RALGAPA2: variants seen among roughly 807,000 people sequenced by gnomAD.
The protein encoded by RALGAPA2 is ral GTPase-activating protein subunit alpha-2.
Under a neutral mutation model 230.4 loss-of-function variants are expected in RALGAPA2, and 139 were observed. The observed-to-expected ratio is 0.60, with a 90% CI of 0.53 to 0.69. The LOEUF is 0.69. RALGAPA2 is among the 30% of genes least tolerant of loss of function. The probability of loss-of-function intolerance (pLI) is 0.00; values close to 1 mark genes in which losing one functional copy is unlikely to be tolerated. For missense variants in RALGAPA2, 2,163 were observed against 2,276.0 expected (o/e 0.95, Z 1.01); for synonymous variants, 847 against 837.8 (o/e 1.01, Z -0.19).
At position 20,427,288 on chromosome 20, in the gene RALGAPA2, A is replaced by G. The variant is rs767526902; in HGVS notation, c.5496-15140T>C. Among the ~76,000 whole-genome samples the G allele has an allele frequency of 9.5e-4, 145 of 152,248 alleles. 1 individual carries two copies. The highest frequency in any genetic ancestry group is 9.6e-4 in the Non-Finnish European group (65 of 68,024). ...GTTTTCTCCTGCAAATTAAACTTCA[A>G]TACTTGCATTTCAAGTATTTTTGGC... On this transcript the variant is annotated intron_variant, in intron 37 of 39. Transcript: ENST00000202677.
At chr20:20,607,861 AT>A (rs759401690) in intron 14 of RALGAPA2, among the ~76,000 whole-genome samples, 20 of 152,246 alleles carry the variant, frequency 1.3e-4, no homozygotes, top group Non-Finnish European at 2.6e-4. Flanking sequence ...GACCTGTTGA[AT>A]TATCATCATA....
intron 31 of RALGAPA2, among the ~76,000 whole-genome samples, chr20:20,515,646 A>C (rs1427658497): frequency 6.6e-6 from 1 of 152,248 alleles, no homozygotes; most frequent in Non-Finnish European, 1.5e-5. Context: ...TAGAAGCAGC[A>C]GCAGGAAATG....
chr20:20,580,015 CT>C (rs2064940665), intron 20 of RALGAPA2, among the ~76,000 whole-genome samples: 2 of 152,182 alleles, frequency 1.3e-5, no homozygotes, highest in South Asian at 2.1e-4. Flanking sequence ...GTCTTCTGTC[CT>C]TTTTATAAGC....
intron 23 of RALGAPA2, among the ~76,000 whole-genome samples, chr20:20,551,459 T>C (rs1437124922): frequency 1.3e-5 from 2 of 152,246 alleles, no homozygotes; most frequent in Admixed American, 6.5e-5. Context: ...GTGAATACTA[T>C]ACACTGAGTG....
chr20:20,638,777 G>T (rs1241243148), intron 7 of RALGAPA2, among the ~76,000 whole-genome samples: 1 of 152,180 alleles, frequency 6.6e-6, no homozygotes, highest in Non-Finnish European at 1.5e-5. Flanking sequence ...AGGTTCTCAG[G>T]ATTGTGAAGT....
At chr20:20,668,725 A>T (rs1294188742) in intron 3 of RALGAPA2, among the ~76,000 whole-genome samples, 1 of 152,238 alleles carries the variant, frequency 6.6e-6, no homozygotes, top group East Asian at 1.9e-4. Flanking sequence ...TGGTGGGTCT[A>T]AACAGGTCCT....
intron 24 of RALGAPA2, among the ~76,000 whole-genome samples, chr20:20,542,603 T>G (rs113589532): frequency 0.011 from 1,676 of 151,960 alleles, 24 homozygotes; most frequent in African/African-American, 0.039. Flanking sequence ...AGAAATAACA[T>G]CACACATCAA....
At chr20:20,494,988 G>T in intron 36 of RALGAPA2, 129 bp downstream of exon 36, 2 of 783,434 alleles carry the variant, frequency 2.6e-6, no homozygotes, top group Admixed American at 2.9e-5. Flanking sequence ...GCATAATTCA[G>T]ATATATGTAA....
intron 38 of RALGAPA2, among the ~76,000 whole-genome samples, chr20:20,407,054 T>C (rs6046836): frequency 0.14 from 21,030 of 151,824 alleles, 4,454 homozygotes; most frequent in African/African-American, 0.46. Flanking sequence ...AATGGGGAGG[T>C]GAAGATTGAG....
At chr20:20,404,062 T>C (rs993936172) in intron 38 of RALGAPA2, among the ~76,000 whole-genome samples, 2 of 151,954 alleles carry the variant, frequency 1.3e-5, no homozygotes, top group African/African-American at 2.4e-5. Context: ...GTGTCCTCTA[T>C]GCATCTGGAT....
chr20:20,564,361 A>G (rs1317345874), intron 23 of RALGAPA2, among the ~76,000 whole-genome samples: 4 of 152,174 alleles, frequency 2.6e-5, no homozygotes, highest in Non-Finnish European at 5.9e-5. Flanking sequence ...CTCCTTTGTG[A>G]GCTGCTTTCA....
intron 36 of RALGAPA2, among the ~76,000 whole-genome samples, chr20:20,486,228 T>C (rs777461641): frequency 6.6e-6 from 1 of 151,994 alleles, no homozygotes; most frequent in South Asian, 2.1e-4. Flanking sequence ...TCCATCTTTA[T>C]GACTTCTATA....
intron 1 of RALGAPA2, among the ~76,000 whole-genome samples, chr20:20,699,680 C>A (rs553382228): frequency 1.3e-4 from 20 of 152,216 alleles, no homozygotes; most frequent in African/African-American, 4.6e-4. Context: ...AGAAGACATA[C>A]AAGCGGCCAA....
intron 13 of RALGAPA2, 22 bp from the exon 14 acceptor site, chr20:20,611,448 C>T: frequency 1.2e-6 from 2 of 1,606,436 alleles, no homozygotes; most frequent in African/African-American, 1.3e-5. Context: ...AAAATAAAAG[C>T]TCATATTAAT....
intron 27 of RALGAPA2, among the ~76,000 whole-genome samples, chr20:20,528,056 C>T (rs2063266239): frequency 6.6e-6 from 1 of 152,050 alleles, no homozygotes; most frequent in Non-Finnish European, 1.5e-5. Flanking sequence ...GAGAGCTAAG[C>T]TGTGCCTGGA....
rs2060200403 is a variant in RALGAPA2 at position 20,417,983 on chromosome 20, A to G, written c.5496-5835T>C. On this transcript the variant is annotated intron_variant, in intron 37 of 39. Coordinates refer to ENST00000202677, the MANE Select transcript of RALGAPA2 (RefSeq NM_020343.4). The stretch of plus-strand genomic sequence containing the variant: ...TCTTTATGACCTTGGGGTATGGAAA[A>G]TCTCTTAAGAAACCAAAACATGAAC... Among the ~76,000 whole-genome samples, 13 of 152,320 alleles carry G rather than the reference A, an allele frequency of 8.5e-5. No homozygotes were observed. In the South Asian group the frequency reaches 2.7e-3, roughly 32 times the overall value.
intron 37 of RALGAPA2, among the ~76,000 whole-genome samples, chr20:20,458,837 G>T (rs2061225201): frequency 1.2e-5 from 1 of 85,114 alleles, no homozygotes; most frequent in Non-Finnish European, 2.4e-5. Context: ...TATATATATA[G>T]ACCTATATAT....
intron 37 of RALGAPA2, among the ~76,000 whole-genome samples, chr20:20,467,238 T>C (rs775961574): frequency 1.5e-4 from 23 of 152,180 alleles, no homozygotes; most frequent in Non-Finnish European, 3.1e-4. Flanking sequence ...AAAATCAAGA[T>C]GTATATGCTT....
chr20:20,477,669 T>C (rs1250875795), intron 36 of RALGAPA2, among the ~76,000 whole-genome samples: 1 of 152,160 alleles, frequency 6.6e-6, no homozygotes, highest in Admixed American at 6.5e-5. Flanking sequence ...CACAGCAACC[T>C]CCGCCTCCCC....
Sources: gnomAD v4.1 joint callset for allele counts (sites outside exome capture counted in the v4.1 genomes callset) on GRCh38, gnomAD v4.1.1 for gene constraint, MANE v1.5 for transcripts, NCBI Gene and HGNC (gene_info 2026-07-23, HGNC 2026-07-21) for gene names.